The following KCTD15 variants were observed in gnomAD, a reference collection of about 807,000 sequenced individuals.
KCTD15 encodes the protein BTB/POZ domain-containing protein KCTD15.
A neutral mutation model predicts 27.2 loss-of-function variants in KCTD15; 11 were observed. The ratio of observed to expected loss-of-function variants is 0.41; its 90% confidence interval spans 0.25 to 0.67. KCTD15 has a LOEUF of 0.67. Among genes scored for constraint, KCTD15 ranks in the 30% least tolerant of loss-of-function variants. The pLI is 0.35. For missense variants in KCTD15, 350 were observed against 409.3 expected (o/e 0.86, Z 1.25); for synonymous variants, 163 against 176.0 (o/e 0.93, Z 0.58).
At chr19:33,798,089 A>G (rs989689779) in intron 1 of KCTD15, among the ~76,000 whole-genome samples, 16 of 146,768 alleles carry the variant, frequency 1.1e-4, no homozygotes, top group Middle Eastern at 3.6e-3. Flanking sequence ...CGGAGGCGGG[A>G]GGGGGGGGGT....
intron 6 of KCTD15, 47 bp downstream of exon 6, chr19:33,811,599 C>T (rs747227393): frequency 1.3e-6 from 2 of 1,568,118 alleles, no homozygotes; most frequent in African/African-American, 1.3e-5. Context: ...CCGGCGTCCG[C>T]GGAGCCCTCC....
At chr19:33,806,749 C>G in intron 4 of KCTD15, 114 bp from the exon 5 acceptor site, 1 of 1,205,602 alleles carries the variant, frequency 8.3e-7, no homozygotes. Context: ...TCACCCATGT[C>G]AGGTCCCTCG....
At chr19:33,795,157 A>C (rs972562518), upstream of KCTD15, among the ~76,000 whole-genome samples, 41 of 152,260 alleles carry the variant, frequency 2.7e-4, no homozygotes, top group Non-Finnish European at 2.9e-5. Context: ...CATCTTCTGC[A>C]TATATCAAAT....
At position 33,801,337 on chromosome 19, in the gene KCTD15, C is replaced by G. The variant is rs1351054128; in HGVS notation, c.237C>G (p.Asp79Glu). ...SSLATLTKYP[D>E]SRISRLFNGT... is the part of the protein sequence containing the mutation. ...TGGCCACGCTCACCAAGTACCCTGA[C>G]TCCAGGTAAGAGTAAGCCCCTTGAA... Residue 79 changes from aspartate to glutamate, a missense_variant, in exon 4 of 7, where the codon GAC becomes GAG. Asp to Glu is a conservative substitution (Grantham distance 45). Transcript: ENST00000683859. The G allele has an allele frequency of 6.8e-6, 11 of 1,609,034 alleles. No homozygotes were observed. In the African/African-American group the frequency reaches 1.3e-4, roughly 20 times the overall value.
At chr19:33,798,559 G>T (rs1452893752) in intron 1 of KCTD15, 109 bp from the exon 2 acceptor site, 1 of 152,542 alleles carries the variant, frequency 6.6e-6, no homozygotes. Flanking sequence ...TGAGGCCCCT[G>T]CAACAGGCGG....
rs1018179527 is a variant in KCTD15 at position 33,811,195 on chromosome 19, C to T, written c.388-52C>T. The T allele has an allele frequency of 4.4e-4, 565 of 1,281,418 alleles. 15 individuals are homozygous for T. The Middle Eastern group carries it at 5.9e-3, about 13-fold the overall frequency. 79.4% of individuals were successfully genotyped at this position (1,281,418 alleles called of 1,614,324 possible). A position where few individuals can be genotyped will look rare whatever the true frequency, so the allele number is the denominator to read the frequency against. On this transcript the variant is annotated intron_variant, in intron 5 of 6. Coordinates refer to ENST00000683859, the MANE Select transcript of KCTD15 (RefSeq NM_001129994.2). ...GGCCGCCTCCCCTCTCCCCCTTCCCCCACCACCCCTACTCCGACACCCACA... is the reference window on the plus strand; with the variant it reads ...GGCCGCCTCCCCTCTCCCCCTTCCCTCACCACCCCTACTCCGACACCCACA...
At chr19:33,807,087 C>A in intron 5 of KCTD15, 80 bp downstream of exon 5, 3 of 1,454,628 alleles carry the variant, frequency 2.1e-6, no homozygotes, top group Non-Finnish European at 2.8e-6. Context: ...AATAAGTGGA[C>A]CCCTGGTTGT....
rs929298670 is a variant in KCTD15, at chr19:33,813,338, C to T, written c.*390C>T. On this transcript the variant is annotated 3_prime_UTR_variant, in exon 7 of 7. Coordinates refer to ENST00000683859, the MANE Select transcript of KCTD15 (RefSeq NM_001129994.2). The stretch of plus-strand genomic sequence containing the variant: ...GGGCAGACTCTGGCGGGTCTCCTAG[C>T]GTCCGAGAGATGGCTTATTTTCTAC... 16 of 479,044 alleles carry T rather than the reference C, an allele frequency of 3.3e-5. No individual in the cohort carries two copies. The African/African-American group carries it at 3.5e-4, about 11-fold the overall frequency. 29.7% of individuals were successfully genotyped at this position (479,044 alleles called of 1,614,324 possible).
At position 33,797,277 on chromosome 19, in the gene KCTD15, TGTGTGTGCGCGCGCGC is replaced by T. The variant is rs1171625800; in HGVS notation, c.-127+292_-127+307del. ...GTGTGTGTGTGTGTGTGTGTGTGTG[TGTGTGTGCGCGCGCGC>T]GCGCGCGCGCTTGTGGAGGTCCCCG... On this transcript the variant is annotated intron_variant, in intron 1 of 6. Transcript: ENST00000683859. 4.9e-4 allele frequency: 115 copies of T among 232,872 alleles called. 1 individual carries two copies. Among genetic ancestry groups the T allele is most frequent in the African/African-American group, 4.9e-3 (103 of 21,174 alleles). 14.4% of individuals were successfully genotyped at this position (232,872 alleles called of 1,614,324 possible).
chr19:33,812,866 G>A lies in KCTD15; in HGVS notation c.770G>A (p.Ser257Asn). ...CGGGVDSSQFSEYVLCREERR... is the reference protein window; with the variant it reads ...CGGGVDSSQFNEYVLCREERR... ...GGCGGTGTGGACTCCTCCCAGTTCA[G>A]CGAGTATGTGCTTTGCCGGGAGGAG... is the stretch of plus-strand genomic sequence containing the variant. Residue 257 changes from serine to asparagine, a missense_variant, in exon 7 of 7, where the codon AGC (serine) becomes AAC (asparagine). Physicochemically the swap from Ser to Asn is conservative, Grantham distance 46 (BLOSUM62 1). Coordinates refer to ENST00000683859, the MANE Select transcript of KCTD15 (RefSeq NM_001129994.2). 1 of 1,548,686 alleles carries A rather than the reference G, an allele frequency of 6.5e-7. No homozygotes were observed. Among genetic ancestry groups the A allele is most frequent in the Non-Finnish European group, 8.7e-7 (1 of 1,145,514 alleles).
chr19:33,810,588 G>A (rs1049820122), intron 5 of KCTD15, among the ~76,000 whole-genome samples: 4 of 151,270 alleles, frequency 2.6e-5, no homozygotes, highest in South Asian at 2.1e-4. Context: ...GCTGAGGCAC[G>A]AGAATTGTGG....
At chr19:33,812,411 CAGGACTCAGGG>C (rs1975954107) in intron 6 of KCTD15, 1 of 1,049,408 alleles carries the variant, frequency 9.5e-7, no homozygotes, top group Non-Finnish European at 1.1e-6. Context: ...ATTATTGGGG[CAGGACTCAGGG>C]AGGACACTTG....
intron 1 of KCTD15, among the ~76,000 whole-genome samples, chr19:33,797,935 TCCCCG>T (rs940112011): frequency 6.6e-6 from 1 of 152,134 alleles, no homozygotes; most frequent in Non-Finnish European, 1.5e-5. Context: ...TTTAACTTTG[TCCCCG>T]CCCCGCCTCC....
At chr19:33,806,785 G>C in intron 4 of KCTD15, 78 bp from the exon 5 acceptor site, 1 of 1,510,628 alleles carries the variant, frequency 6.6e-7, no homozygotes, top group Non-Finnish European at 9.1e-7. Flanking sequence ...GGGCCCTCAG[G>C]AGTGGGGGCG....
chr19:33,802,956 G>A (rs556713225), intron 4 of KCTD15, among the ~76,000 whole-genome samples: 19 of 152,296 alleles, frequency 1.2e-4, no homozygotes, highest in Middle Eastern at 3.4e-3. Context: ...AGGAGGGCAG[G>A]GGGCCATCTC....
upstream of KCTD15, chr19:33,796,477 G>C (rs1210196257): frequency 6.7e-6 from 1 of 150,162 alleles, no homozygotes; most frequent in African/African-American, 2.4e-5. Context: ...GCCCCGCGGC[G>C]CAGCCGAGCC....
At chr19:33,812,631 C>T (rs371747710) in intron 6 of KCTD15, 159 bp from the exon 7 acceptor site, 23 of 1,301,670 alleles carry the variant, frequency 1.8e-5, no homozygotes, top group Middle Eastern at 2.9e-4. Flanking sequence ...GAACCCAGCA[C>T]GTGGTTCTGT....
intron 5 of KCTD15, among the ~76,000 whole-genome samples, 158 bp from the exon 6 acceptor site, chr19:33,811,089 A>G (rs1975887381): frequency 6.6e-6 from 1 of 152,054 alleles, no homozygotes; most frequent in Non-Finnish European, 1.5e-5. Flanking sequence ...CAGTTGCCCC[A>G]TCTGTACAAT....
chr19:33,813,355 A>AC lies in KCTD15; in HGVS notation c.*407_*408insC, dbSNP rs1555731538. The AC allele has an allele frequency of 2.1e-6, 1 of 474,882 alleles. No homozygotes were observed. 29.4% of individuals were successfully genotyped at this position (474,882 alleles called of 1,614,324 possible). On this transcript the variant is annotated 3_prime_UTR_variant, in exon 7 of 7. Transcript: ENST00000683859. ...TCTCCTAGCGTCCGAGAGATGGCTT[A>AC]TTTTCTACAGTATTTAAAATGGATG...
Sources: allele counts gnomAD v4.1 joint callset (sites outside exome capture counted in the v4.1 genomes callset), GRCh38; gene constraint gnomAD v4.1.1; transcripts MANE v1.5; gene names NCBI Gene and HGNC (gene_info 2026-07-23, HGNC 2026-07-21).